OXCT1: variants seen among roughly 807,000 people sequenced by gnomAD.
OXCT1 encodes the protein 3-oxoacid CoA-transferase 1.
Under a neutral mutation model 69.6 loss-of-function variants are expected in OXCT1, and 27 were observed. That is an observed-to-expected ratio of 0.39 (90% CI 0.29 to 0.54). OXCT1 has a LOEUF of 0.54. OXCT1 is among the 20% of genes least tolerant of loss of function. The pLI is 0.72. For synonymous variants in OXCT1, 202 were observed against 217.8 expected, an observed-to-expected ratio of 0.93 and a Z score of 0.64; for missense variants, 437 against 650.2, an observed-to-expected ratio of 0.67 and a Z score of 3.57.
At chr5:41,851,015 A>C (rs894681928) in intron 4 of OXCT1, among the ~76,000 whole-genome samples, 2 of 152,178 alleles carry the variant, frequency 1.3e-5, no homozygotes, top group Admixed American at 1.3e-4. Flanking sequence ...GTAGTTAAAA[A>C]TTGGGGCTGG....
At chr5:41,733,032 T>G in intron 16 of OXCT1, among the ~76,000 whole-genome samples, 1 of 152,138 alleles carries the variant, frequency 6.6e-6, no homozygotes, top group East Asian at 1.9e-4. Flanking sequence ...GTATATAGCT[T>G]ATGGTAAATG....
chr5:41,781,838 C>A (rs1428540237), intron 13 of OXCT1, among the ~76,000 whole-genome samples: 1 of 152,154 alleles, frequency 6.6e-6, no homozygotes, highest in East Asian at 1.9e-4. Context: ...GCCACATTTT[C>A]TTTATTCAGT....
At chr5:41,835,581 C>G (rs933073046) in intron 7 of OXCT1, among the ~76,000 whole-genome samples, 1 of 152,214 alleles carries the variant, frequency 6.6e-6, no homozygotes, top group Non-Finnish European at 1.5e-5. Flanking sequence ...ATCGTATCAT[C>G]TAAGCAATTC....
intron 13 of OXCT1, among the ~76,000 whole-genome samples, chr5:41,768,240 T>C (rs1744711199): frequency 1.3e-5 from 2 of 152,190 alleles, no homozygotes; most frequent in Admixed American, 1.3e-4. Flanking sequence ...GTGAAAGTGA[T>C]GTATACTACT....
intron 7 of OXCT1, among the ~76,000 whole-genome samples, chr5:41,836,582 C>T (rs1748373418): frequency 6.6e-6 from 1 of 152,068 alleles, no homozygotes; most frequent in South Asian, 2.1e-4. Flanking sequence ...GGGGGTTGGG[C>T]AGGGACGTGG....
intron 9 of OXCT1, among the ~76,000 whole-genome samples, 184 bp from the exon 10 acceptor site, chr5:41,803,347 CTAAT>C (rs1452709515): frequency 3.9e-5 from 6 of 152,128 alleles, no homozygotes; most frequent in Admixed American, 1.3e-4. Flanking sequence ...AAAAAAGTCT[CTAAT>C]TAGTCAGCTT....
At chr5:41,807,032 C>T (rs1033620376) in intron 8 of OXCT1, among the ~76,000 whole-genome samples, 3 of 152,052 alleles carry the variant, frequency 2.0e-5, no homozygotes, top group Non-Finnish European at 4.4e-5. Context: ...CTTATCTCCC[C>T]TCTAAGACAG....
intron 13 of OXCT1, among the ~76,000 whole-genome samples, chr5:41,766,633 T>G (rs553694845): frequency 3.3e-5 from 5 of 151,222 alleles, no homozygotes; most frequent in Non-Finnish European, 7.4e-5. Flanking sequence ...TTGGTGATAT[T>G]TTAAGGATTT....
In OXCT1 at chr5:41,807,896, T is replaced by C. The variant is rs548147243; in HGVS notation, c.733-458A>G. Among the ~76,000 whole-genome samples the C allele has an allele frequency of 5.3e-5, 8 of 152,200 alleles. No individual in the cohort carries two copies. In the South Asian group the frequency reaches 1.5e-3, roughly 28 times the overall value. Reference sequence around the variant, plus strand: ...AATTGAAGAGCTTTTTAAATATAGATACAAATGCTATTTGTAACAGTTGTA... The same window carrying C: ...AATTGAAGAGCTTTTTAAATATAGACACAAATGCTATTTGTAACAGTTGTA... On this transcript the variant is annotated intron_variant, in intron 7 of 16. Transcript: ENST00000196371.
intron 7 of OXCT1, among the ~76,000 whole-genome samples, chr5:41,823,293 G>A (rs1229954487): frequency 6.6e-6 from 1 of 152,040 alleles, no homozygotes; most frequent in East Asian, 1.9e-4. Flanking sequence ...CCCTCCCCTT[G>A]CCAGAAGCAC....
At chr5:41,784,284 A>T (rs1037451302) in intron 13 of OXCT1, among the ~76,000 whole-genome samples, 2 of 152,224 alleles carry the variant, frequency 1.3e-5, no homozygotes, top group Non-Finnish European at 2.9e-5. Context: ...TTCATATATG[A>T]CATTTAGGCT....
At chr5:41,731,861 A>T in intron 16 of OXCT1, 91 bp from the exon 17 acceptor site, 11 of 1,448,560 alleles carry the variant, frequency 7.6e-6, no homozygotes, top group Non-Finnish European at 1.0e-5. Flanking sequence ...TCATGTAGGC[A>T]ACAAGCAGCC....
Position 41,731,493 on chromosome 5 carries a change from A to G in OXCT1, c.*236T>C, listed in dbSNP as rs1742620290. The G allele has an allele frequency of 2.2e-6, 2 of 899,156 alleles. No individual in the cohort carries two copies. The highest frequency in any genetic ancestry group is 1.7e-5 in the African/African-American group (1 of 59,022). 55.7% of individuals were successfully genotyped at this position (899,156 alleles called of 1,614,324 possible). On this transcript the variant is annotated 3_prime_UTR_variant, in exon 17 of 17. Coordinates refer to ENST00000196371, the MANE Select transcript of OXCT1 (RefSeq NM_000436.4). The stretch of plus-strand genomic sequence containing the variant: ...TGCATTCAATATAATTACCTATTAT[A>G]AAAACAACCTTCTCAGCCTTAACAA...
At chr5:41,738,298 C>T (rs551011492) in intron 16 of OXCT1, among the ~76,000 whole-genome samples, 1 of 152,212 alleles carries the variant, frequency 6.6e-6, no homozygotes, top group African/African-American at 2.4e-5. Flanking sequence ...GTGTCCCCAC[C>T]CAAATCTCAT....
chr5:41,739,067 C>T (rs1561352563), intron 16 of OXCT1, among the ~76,000 whole-genome samples: 1 of 152,204 alleles, frequency 6.6e-6, no homozygotes, highest in Non-Finnish European at 1.5e-5. Flanking sequence ...AGCACAGCTG[C>T]CATATAACCA....
At chr5:41,807,184 G>A (rs1048883618) in intron 8 of OXCT1, 147 bp downstream of exon 8, 6 of 667,960 alleles carry the variant, frequency 9.0e-6, no homozygotes, top group African/African-American at 1.8e-5. Context: ...ATATCCCCAT[G>A]ATGATAGACA....
intron 16 of OXCT1, among the ~76,000 whole-genome samples, chr5:41,736,403 T>G (rs1742886363): frequency 6.6e-6 from 1 of 152,210 alleles, no homozygotes. Flanking sequence ...TGACAGTCAT[T>G]ACAGGTTTTT....
intron 7 of OXCT1, among the ~76,000 whole-genome samples, chr5:41,827,387 T>C (rs1747858551): frequency 6.6e-6 from 1 of 152,164 alleles, no homozygotes. Context: ...AGGAAATTTA[T>C]CTATGTCAGT....
At chr5:41,814,600 T>C in intron 7 of OXCT1, among the ~76,000 whole-genome samples, 1 of 151,706 alleles carries the variant, frequency 6.6e-6, no homozygotes, top group Non-Finnish European at 1.5e-5. Context: ...TTGGAAATCA[T>C]CATTCTCAAT....
Sources: gnomAD v4.1 joint callset for allele counts (sites outside exome capture counted in the v4.1 genomes callset) on GRCh38, gnomAD v4.1.1 for gene constraint, MANE v1.5 for transcripts, NCBI Gene and HGNC (gene_info 2026-07-23, HGNC 2026-07-21) for gene names.